The following PCDHA11 variants were observed in gnomAD, a reference collection of about 807,000 sequenced individuals.
PCDHA11 encodes protocadherin alpha 11.
PCDHA11 carries 61 observed loss-of-function variants against 70.3 expected under a neutral mutation model. The ratio of observed to expected loss-of-function variants is 0.87; its 90% CI spans 0.71 to 1.07. PCDHA11 has a LOEUF of 1.07. Among genes scored for constraint, PCDHA11 ranks in the 50% least tolerant of loss-of-function variants. PCDHA11 has a pLI of 0.00. For synonymous variants in PCDHA11, 633 were observed against 555.1 expected (o/e 1.14, Z -1.97); for missense variants, 1,324 against 1,237.5 (o/e 1.07, Z -1.05).
Position 140,916,518 on chromosome 5 carries a change from T to A in PCDHA11, c.2391+45024T>A, listed in dbSNP as rs187386381. Among the ~76,000 whole-genome samples the A allele has an allele frequency of 2.6e-5, 4 of 152,306 alleles. No homozygotes were observed. The East Asian group carries it at 7.7e-4, about 29-fold the overall frequency. ...AGCAGGTGATTAATCTTGCCAAGACTGGGTCCTTCCCACCAAGGCAATGGG... is the reference window on the plus strand; with the variant it reads ...AGCAGGTGATTAATCTTGCCAAGACAGGGTCCTTCCCACCAAGGCAATGGG... On this transcript the variant is annotated intron_variant, in intron 1 of 3. Coordinates refer to ENST00000398640, the MANE Select transcript of PCDHA11 (RefSeq NM_018902.5).
At chr5:140,884,574 T>C (rs1554181755) in intron 1 of PCDHA11, 1 of 1,614,014 alleles carries the variant, frequency 6.2e-7, no homozygotes, top group East Asian at 2.2e-5. Context: ...AAGACGGACC[T>C]CATGGCCTTC....
At chr5:140,947,209 A>C (rs1462777257) in intron 1 of PCDHA11, among the ~76,000 whole-genome samples, 2 of 151,580 alleles carry the variant, frequency 1.3e-5, no homozygotes, top group Non-Finnish European at 3.0e-5. Flanking sequence ...AAAAAAAGAA[A>C]ATCCTGTCAT....
intron 1 of PCDHA11, chr5:140,883,838 GA>G: frequency 6.2e-7 from 1 of 1,612,738 alleles, no homozygotes; most frequent in Non-Finnish European, 8.5e-7. Context: ...GCAGCCGTTG[GA>G]CCACGAGGAG....
At chr5:140,980,278 GA>G (rs1351425532) in intron 2 of PCDHA11, among the ~76,000 whole-genome samples, 1 of 152,166 alleles carries the variant, frequency 6.6e-6, no homozygotes, top group Non-Finnish European at 1.5e-5. Flanking sequence ...ACCAACTCTT[GA>G]AAAGTACCAA....
intron 2 of PCDHA11, among the ~76,000 whole-genome samples, chr5:140,981,521 C>T (rs894639773): frequency 1.3e-5 from 2 of 152,208 alleles, no homozygotes; most frequent in South Asian, 4.1e-4. Flanking sequence ...TTGCAGTGAG[C>T]TGAGATCGTG....
intron 1 of PCDHA11, among the ~76,000 whole-genome samples, chr5:140,938,453 G>A (rs558258483): frequency 6.6e-6 from 1 of 151,990 alleles, no homozygotes; most frequent in African/African-American, 2.4e-5. Context: ...AGTTCCCTTT[G>A]TTTTTTAATT....
chr5:140,903,420 G>A (rs1562939328), intron 1 of PCDHA11, among the ~76,000 whole-genome samples: 1 of 152,150 alleles, frequency 6.6e-6, no homozygotes, highest in Non-Finnish European at 1.5e-5. Flanking sequence ...GAAAAATTCA[G>A]CACAATATGT....
chr5:140,870,455 C>A lies in PCDHA11; in HGVS notation c.1352C>A (p.Ala451Glu). 6 of 1,614,246 alleles carry A rather than the reference C, an allele frequency of 3.7e-6. No homozygotes were observed. Among genetic ancestry groups the A allele is most frequent in the Non-Finnish European group, 5.1e-6 (6 of 1,180,042 alleles). The change falls in exon 1 of 4, where the codon GCG (alanine) becomes GAG (glutamate). Residue 451 changes from alanine (A) to glutamate (E), a missense_variant. Coordinates refer to ENST00000398640, the MANE Select transcript of PCDHA11 (RefSeq NM_018902.5). Reference sequence around the variant, plus strand: ...GAGGTGGCCGACGTGAACGACAATGCGCCTGCGTTCGCACAGCCCGAGTAC... The same window carrying A: ...GAGGTGGCCGACGTGAACGACAATGAGCCTGCGTTCGCACAGCCCGAGTAC... ...SVEVADVNDN[A>E]PAFAQPEYTV...
At chr5:140,898,900 C>T (rs1257410263) in intron 1 of PCDHA11, among the ~76,000 whole-genome samples, 2 of 151,396 alleles carry the variant, frequency 1.3e-5, no homozygotes, top group Non-Finnish European at 3.0e-5. Context: ...TGAAGAGGTC[C>T]TTCACGTCCC....
At chr5:140,873,823 G>T (rs2054513552) in intron 1 of PCDHA11, among the ~76,000 whole-genome samples, 1 of 152,076 alleles carries the variant, frequency 6.6e-6, no homozygotes, top group Non-Finnish European at 1.5e-5. Context: ...ACCACTCCTG[G>T]CTAATTTTTG....
chr5:140,903,086 C>T lies in PCDHA11; in HGVS notation c.2391+31592C>T, dbSNP rs534457835. 2.6e-5 allele frequency among the ~76,000 whole-genome samples: 4 copies of T among 152,260 alleles called. No homozygotes were observed. In the East Asian group the frequency reaches 7.7e-4, roughly 29 times the overall value. ...CCTTTGGGTAGATACCTGATAGTGGCATTGCTGGATCAAATAATAGCTCTA... is the reference window on the plus strand; with the variant it reads ...CCTTTGGGTAGATACCTGATAGTGGTATTGCTGGATCAAATAATAGCTCTA... On this transcript the variant is annotated intron_variant, in intron 1 of 3. Transcript: ENST00000398640.
chr5:140,883,483 C>A, intron 1 of PCDHA11: 1 of 1,614,196 alleles, frequency 6.2e-7, no homozygotes, highest in African/African-American at 1.3e-5. Flanking sequence ...AGAACTACTA[C>A]TCATTAGTGC....
chr5:140,871,137 T>C lies in PCDHA11; in HGVS notation c.2034T>C (p.Ser678=). ...LVESGQAPKA[S]SRTLAGAASP... ...AGAGCGGACAGGCGCCAAAGGCCTCTTCCCGGACTTTGGCGGGCGCCGCGA... is the reference window on the plus strand; with the variant it reads ...AGAGCGGACAGGCGCCAAAGGCCTCCTCCCGGACTTTGGCGGGCGCCGCGA... Residue 678 remains serine (S), a synonymous_variant, in exon 1 of 4, where the codon TCT becomes TCC. Transcript: ENST00000398640. The C allele has an allele frequency of 6.2e-7, 1 of 1,613,416 alleles. No homozygotes were observed. Among genetic ancestry groups the C allele is most frequent in the East Asian group, 2.2e-5 (1 of 44,872 alleles).
chr5:140,926,128 CGCAGCAGGATCCAGCGCGGAAAGCTCT>C (rs1157627097), intron 1 of PCDHA11, among the ~76,000 whole-genome samples: 1 of 152,278 alleles, frequency 6.6e-6, no homozygotes, highest in East Asian at 1.9e-4. Flanking sequence ...GACTTCAACC[CGCAGCAGGATCCAGCGCGGAAAGCTCT>C]GCAGCAGGAT....
At chr5:140,956,073 T>C (rs2095254120) in intron 1 of PCDHA11, among the ~76,000 whole-genome samples, 1 of 152,208 alleles carries the variant, frequency 6.6e-6, no homozygotes, top group South Asian at 2.1e-4. Context: ...TTTCCAGATA[T>C]AGGATCATGT....
chr5:140,870,531 G>C lies in PCDHA11; in HGVS notation c.1428G>C (p.Val476=), dbSNP rs1554164370. 6.2e-7 allele frequency: 1 copy of C among 1,614,196 alleles called. No homozygotes were observed. Among genetic ancestry groups the C allele is most frequent in the Admixed American group, 1.7e-5 (1 of 60,036 alleles). The change falls in exon 1 of 4, where the codon GTG becomes GTC. Residue 476 remains valine, a synonymous_variant. Transcript: ENST00000398640. The part of the protein sequence containing the change: ...NNPPGCHIFT[V]SARDADAQEN... ...CACCAGGCTGCCACATCTTCACAGT[G>C]TCGGCGCGGGACGCGGACGCGCAGG...
intron 1 of PCDHA11, among the ~76,000 whole-genome samples, chr5:140,873,824 C>A (rs1411429273): frequency 6.6e-6 from 1 of 152,118 alleles, no homozygotes; most frequent in Non-Finnish European, 1.5e-5. Flanking sequence ...CCACTCCTGG[C>A]TAATTTTTGT....
intron 1 of PCDHA11, among the ~76,000 whole-genome samples, chr5:140,891,620 C>T (rs1194351903): frequency 6.6e-6 from 1 of 152,122 alleles, no homozygotes; most frequent in African/African-American, 2.4e-5. Flanking sequence ...TTTATTTTAA[C>T]ACCTTTTGCT....
intron 1 of PCDHA11, chr5:140,877,765 C>T (rs377126743): frequency 4.3e-6 from 7 of 1,614,176 alleles, no homozygotes; most frequent in Non-Finnish European, 5.1e-6. Context: ...AGAGAGCCCG[C>T]CCAAGACGGA....
Sources: allele counts gnomAD v4.1 joint callset (sites outside exome capture counted in the v4.1 genomes callset), GRCh38; gene constraint gnomAD v4.1.1; transcripts MANE v1.5; gene names NCBI Gene and HGNC (gene_info 2026-07-23, HGNC 2026-07-21).